The following CNTLN variants were observed in gnomAD, a reference collection of about 807,000 sequenced individuals.
CNTLN encodes centlein, centrosomal protein.
In CNTLN, 212 loss-of-function variants were observed where a neutral mutation model predicts 180.0. The observed-to-expected ratio is 1.18, with a 90% confidence interval of 1.05 to 1.32. The LOEUF (loss-of-function observed/expected upper bound fraction) is 1.32, where lower values mean the gene tolerates loss of function less well. Among genes scored for constraint, CNTLN ranks in the 40% most tolerant of loss-of-function variants. The pLI, the probability that CNTLN is intolerant of heterozygous loss-of-function variation, is 0.00. For synonymous variants in CNTLN, 722 were observed against 563.1 expected (o/e 1.28, Z -3.99); for missense variants, 2,095 against 1,610.9 (o/e 1.30, Z -5.14).
chr9:17,182,661 A>T (rs999145191), intron 2 of CNTLN, among the ~76,000 whole-genome samples: 6 of 152,202 alleles, frequency 3.9e-5, no homozygotes, highest in Non-Finnish European at 8.8e-5. Context: ...TTGATAGATG[A>T]CGAGTTTACC....
At chr9:17,404,970 T>A (rs1039479655) in intron 15 of CNTLN, among the ~76,000 whole-genome samples, 3 of 151,658 alleles carry the variant, frequency 2.0e-5, no homozygotes, top group Non-Finnish European at 4.4e-5. Flanking sequence ...ACTCCTGACG[T>A]CAGGCAGTCT....
intron 5 of CNTLN, among the ~76,000 whole-genome samples, chr9:17,270,390 A>G (rs1413132054): frequency 1.6e-4 from 24 of 151,916 alleles, no homozygotes; most frequent in Admixed American, 1.5e-3. Flanking sequence ...TTTTCCTTTA[A>G]TCTCTTAATG....
In CNTLN at chr9:17,394,883, C is replaced by A. The variant is rs1427683668; in HGVS notation, c.2429C>A (p.Ala810Asp). The change falls in exon 15 of 26, where the codon GCC becomes GAC. Residue 810 changes from alanine to aspartate, a missense_variant. Ala to Asp is a moderately radical substitution (Grantham distance 126). Coordinates refer to ENST00000380647, the MANE Select transcript of CNTLN (RefSeq NM_017738.4). ...GCAGACAGAGCTAAATCCGAGATGG[C>A]CACCATGAAAGTGAGATCTGGACGA... ...QSADRAKSEM[A>D]TMKVRSGRYD... 4.3e-6 allele frequency: 7 copies of A among 1,613,872 alleles called. No individual in the cohort carries two copies. The Admixed American group carries it at 1.0e-4, about 23-fold the overall frequency.
chr9:17,395,271 T>C (rs1457565298), intron 15 of CNTLN, among the ~76,000 whole-genome samples: 1 of 152,222 alleles, frequency 6.6e-6, no homozygotes, highest in Non-Finnish European at 1.5e-5. Flanking sequence ...GCATGAGTAC[T>C]TGAATAGGTG....
chr9:17,226,943 T>A (rs183480903), intron 3 of CNTLN, among the ~76,000 whole-genome samples: 52 of 151,442 alleles, frequency 3.4e-4, no homozygotes, highest in South Asian at 1.7e-3. Flanking sequence ...ATATATATAT[T>A]TTTTTATACT....
intron 16 of CNTLN, among the ~76,000 whole-genome samples, chr9:17,410,460 G>C (rs1473406522): frequency 1.3e-5 from 2 of 151,988 alleles, no homozygotes; most frequent in Non-Finnish European, 2.9e-5. Flanking sequence ...GTTATGTATT[G>C]TAGATATCTT....
At chr9:17,283,766 T>C (rs201270305) in intron 6 of CNTLN, among the ~76,000 whole-genome samples, 1 of 152,182 alleles carries the variant, frequency 6.6e-6, no homozygotes, top group South Asian at 2.1e-4. Context: ...TGAGGTATGT[T>C]CCATCAATAC....
chr9:17,420,126 G>C (rs1828595988), intron 18 of CNTLN, among the ~76,000 whole-genome samples: 1 of 152,246 alleles, frequency 6.6e-6, no homozygotes, highest in East Asian at 1.9e-4. Context: ...TGTTGGCTAG[G>C]GTGGTCTTGA....
At chr9:17,412,930 G>C (rs545017104) in intron 16 of CNTLN, among the ~76,000 whole-genome samples, 3 of 152,240 alleles carry the variant, frequency 2.0e-5, no homozygotes, top group African/African-American at 7.2e-5. Context: ...GAAAGTCTCA[G>C]CAAATAAATA....
intron 6 of CNTLN, among the ~76,000 whole-genome samples, chr9:17,288,157 T>A (rs953615819): frequency 7.9e-6 from 1 of 126,632 alleles, no homozygotes; most frequent in African/African-American, 3.6e-5. Flanking sequence ...TGCTATAAAT[T>A]TCCCTCTACA....
chr9:17,262,915 T>C (rs906133183), intron 5 of CNTLN, among the ~76,000 whole-genome samples: 2 of 151,334 alleles, frequency 1.3e-5, no homozygotes, highest in Admixed American at 1.3e-4. Flanking sequence ...GTTTTTATCA[T>C]GAAGGGTTGT....
chr9:17,302,803 C>G (rs1332436722), intron 7 of CNTLN, among the ~76,000 whole-genome samples: 2 of 151,994 alleles, frequency 1.3e-5, no homozygotes, highest in South Asian at 4.1e-4. Flanking sequence ...TGTGGAGAAA[C>G]AAAATACAAG....
At chr9:17,323,880 C>T (rs1479756168) in intron 8 of CNTLN, among the ~76,000 whole-genome samples, 3 of 152,154 alleles carry the variant, frequency 2.0e-5, no homozygotes, top group Non-Finnish European at 2.9e-5. Context: ...CCAAACTCGG[C>T]TACAGTTTTG....
chr9:17,473,521 A>G lies in CNTLN; in HGVS notation c.3855+6630A>G, dbSNP rs1832147423. On this transcript the variant is annotated intron_variant, in intron 23 of 25. Transcript: ENST00000380647. The stretch of plus-strand genomic sequence containing the variant: ...CAAGGACTTTGGCCCTGTAGTTTCA[A>G]CCCTACACTTTGTATCACCAATATT... Among the ~76,000 whole-genome samples, 5 of 150,214 alleles carry G rather than the reference A, an allele frequency of 3.3e-5. No homozygotes were observed. In the South Asian group the frequency reaches 1.1e-3, roughly 32 times the overall value.
chr9:17,335,471 C>T (rs542590192), intron 10 of CNTLN, among the ~76,000 whole-genome samples: 8 of 152,140 alleles, frequency 5.3e-5, no homozygotes, highest in South Asian at 2.1e-4. Context: ...GAGTCGAGAT[C>T]GTACCACTGC....
At chr9:17,457,142 A>G (rs1831172626) in intron 18 of CNTLN, among the ~76,000 whole-genome samples, 1 of 152,126 alleles carries the variant, frequency 6.6e-6, no homozygotes, top group African/African-American at 2.4e-5. Context: ...AACAGCTAAC[A>G]TCTGTTATCT....
intron 5 of CNTLN, among the ~76,000 whole-genome samples, chr9:17,252,288 CTGTT>C (rs1826191045): frequency 1.3e-5 from 2 of 151,618 alleles, no homozygotes; most frequent in Non-Finnish European, 3.0e-5. Flanking sequence ...TATGGTAGGT[CTGTT>C]TGTTTTTTTG....
intron 2 of CNTLN, among the ~76,000 whole-genome samples, chr9:17,176,537 G>T (rs1272115616): frequency 6.6e-6 from 1 of 152,146 alleles, no homozygotes; most frequent in African/African-American, 2.4e-5. Context: ...AGGGATATTG[G>T]TGTATAGCTT....
intron 2 of CNTLN, among the ~76,000 whole-genome samples, chr9:17,187,441 C>A (rs977102737): frequency 6.6e-6 from 1 of 151,838 alleles, no homozygotes; most frequent in Non-Finnish European, 1.5e-5. Flanking sequence ...TTTATAAGAA[C>A]AAGTAGTAAT....
Sources: allele counts gnomAD v4.1 joint callset (sites outside exome capture counted in the v4.1 genomes callset), GRCh38; gene constraint gnomAD v4.1.1; transcripts MANE v1.5; gene names NCBI Gene and HGNC (gene_info 2026-07-23, HGNC 2026-07-21).